LRP6: variants seen among roughly 807,000 people sequenced by gnomAD.
The protein encoded by LRP6 is LDL receptor related protein 6.
A neutral mutation model predicts 184.1 loss-of-function variants in LRP6; 43 were observed. The observed-to-expected ratio is 0.23, with a 90% CI of 0.18 to 0.30. LRP6 has a LOEUF of 0.30. Ranked by LOEUF, LRP6 falls within the 10% of genes least tolerant of loss-of-function variation. The pLI, the probability that LRP6 is intolerant of heterozygous loss-of-function variation, is 1.00. For synonymous variants in LRP6, 719 were observed against 684.9 expected (o/e 1.05, Z -0.78); for missense variants, 1,571 against 2,005.3 (o/e 0.78, Z 4.14).
chr12:12,179,387 G>GAT (rs1863282543), intron 7 of LRP6, among the ~76,000 whole-genome samples: 1 of 142,370 alleles, frequency 7.0e-6, no homozygotes, highest in African/African-American at 2.6e-5. Context: ...TATAGATATA[G>GAT]ATATAGATAT....
chr12:12,192,347 C>A (rs1301213331), intron 3 of LRP6, among the ~76,000 whole-genome samples: 1 of 146,338 alleles, frequency 6.8e-6, no homozygotes, highest in Non-Finnish European at 1.5e-5. Flanking sequence ...CTACTTAATA[C>A]AAAGGACAAA....
rs745330789 is a variant in LRP6 at position 12,179,913 on chromosome 12, C to T, written c.1442G>A (p.Arg481His). Residue 481 changes from arginine (R) to histidine (H), a missense_variant, in exon 7 of 23, where the codon CGT becomes CAT. By Grantham distance (29) the Arg-to-His change is conservative. Coordinates refer to ENST00000261349, the MANE Select transcript of LRP6 (RefSeq NM_002336.3). Reference sequence around the variant, plus strand: ...AAGAGAAGTGTTAACCAATACTACACGGTCAGAACCATCCAGAGCTGCTCG... The same window carrying T: ...AAGAGAAGTGTTAACCAATACTACATGGTCAGAACCATCCAGAGCTGCTCG... ...IERAALDGSD[R>H]VVLVNTSLGW... 20 of 1,613,786 alleles carry T rather than the reference C, an allele frequency of 1.2e-5. No individual in the cohort carries two copies. The Admixed American group carries it at 1.8e-4, about 15-fold the overall frequency.
At chr12:12,225,535 C>T (rs1025947084) in intron 2 of LRP6, among the ~76,000 whole-genome samples, 1 of 152,018 alleles carries the variant, frequency 6.6e-6, no homozygotes, top group Non-Finnish European at 1.5e-5. Flanking sequence ...ACTCTAGGGA[C>T]ACTTTTTTTG....
chr12:12,129,543 A>G (rs1949717897), intron 19 of LRP6, among the ~76,000 whole-genome samples: 1 of 151,936 alleles, frequency 6.6e-6, no homozygotes, highest in East Asian at 1.9e-4. Flanking sequence ...TCATTGATCA[A>G]CACCCAGTCT....
In LRP6 at chr12:12,121,107, AGAG is replaced by A. The variant is rs762938996; in HGVS notation, c.*16_*18del. 2.5e-6 allele frequency: 4 copies of A among 1,570,218 alleles called. No individual in the cohort carries two copies. The highest frequency in any genetic ancestry group is 3.7e-5 in the Admixed American group (2 of 54,242). ...TTACATTTTTACGTTGGAGGCAGTC[AGAG>A]GAGGAGGGCCCCTCCTCAGGAGGAG... On this transcript the variant is annotated 3_prime_UTR_variant, in exon 23 of 23. Coordinates refer to ENST00000261349, the MANE Select transcript of LRP6 (RefSeq NM_002336.3).
At chr12:12,199,695 G>A (rs1458873326) in intron 3 of LRP6, among the ~76,000 whole-genome samples, 1 of 151,870 alleles carries the variant, frequency 6.6e-6, no homozygotes, top group Non-Finnish European at 1.5e-5. Flanking sequence ...GCCAGGCACG[G>A]TGGCTCATGC....
At chr12:12,130,664 G>T in intron 19 of LRP6, 119 bp downstream of exon 19, 1 of 683,318 alleles carries the variant, frequency 1.5e-6, no homozygotes. Context: ...CAAATAATTA[G>T]CTTAATATTA....
chr12:12,167,288 T>C lies in LRP6; in HGVS notation c.1546-1993A>G, dbSNP rs542162752. On this transcript the variant is annotated intron_variant, in intron 7 of 22. Transcript: ENST00000261349. ...AAACAGTATTGTGGCAGAAAGAGAT[T>C]TGTATTTCAAATATAAGCTTTATCA... Among the ~76,000 whole-genome samples, 38 of 152,240 alleles carry C rather than the reference T, an allele frequency of 2.5e-4. No individual in the cohort carries two copies. In the East Asian group the frequency reaches 5.8e-3, roughly 23 times the overall value.
At chr12:12,242,287 T>A (rs1440771413) in intron 2 of LRP6, among the ~76,000 whole-genome samples, 1 of 152,194 alleles carries the variant, frequency 6.6e-6, no homozygotes, top group Non-Finnish European at 1.5e-5. Context: ...AAGTTTTCTG[T>A]CCTTAAACAG....
intron 7 of LRP6, among the ~76,000 whole-genome samples, chr12:12,177,694 A>G (rs900980477): frequency 6.6e-6 from 1 of 152,218 alleles, no homozygotes; most frequent in Non-Finnish European, 1.5e-5. Flanking sequence ...GAATTAGGAC[A>G]TCAGAATCTC....
At chr12:12,256,214 G>A (rs1279829875) in intron 1 of LRP6, among the ~76,000 whole-genome samples, 2 of 152,134 alleles carry the variant, frequency 1.3e-5, no homozygotes, top group Non-Finnish European at 2.9e-5. Flanking sequence ...TCAGAAACAC[G>A]AGATACTGGT....
intron 2 of LRP6, among the ~76,000 whole-genome samples, chr12:12,240,892 G>C (rs1215861885): frequency 6.6e-6 from 1 of 152,124 alleles, no homozygotes; most frequent in Non-Finnish European, 1.5e-5. Context: ...ACTGTTTACT[G>C]TAACTCTGGT....
At chr12:12,235,154 T>A (rs553527306) in intron 2 of LRP6, among the ~76,000 whole-genome samples, 1 of 152,328 alleles carries the variant, frequency 6.6e-6, no homozygotes, top group South Asian at 2.1e-4. Context: ...TATAGGCTAA[T>A]GATTTTAAAA....
intron 3 of LRP6, among the ~76,000 whole-genome samples, chr12:12,195,135 G>A (rs1565630384): frequency 6.6e-6 from 1 of 151,938 alleles, no homozygotes; most frequent in Non-Finnish European, 1.5e-5. Flanking sequence ...CCACATCTTG[G>A]CTACTGTAAA....
intron 2 of LRP6, among the ~76,000 whole-genome samples, chr12:12,235,953 C>T (rs758189279): frequency 6.6e-6 from 1 of 151,936 alleles, no homozygotes; most frequent in Non-Finnish European, 1.5e-5. Flanking sequence ...CGGCTGGACG[C>T]GGTGGCTCAC....
chr12:12,258,625 C>T (rs1325218035), intron 1 of LRP6, among the ~76,000 whole-genome samples: 1 of 152,180 alleles, frequency 6.6e-6, no homozygotes, highest in Admixed American at 6.5e-5. Context: ...CATCAAAGAG[C>T]TATTTCTGCA....
At chr12:12,175,456 G>C (rs1863150984) in intron 7 of LRP6, among the ~76,000 whole-genome samples, 1 of 151,460 alleles carries the variant, frequency 6.6e-6, no homozygotes, top group Non-Finnish European at 1.5e-5. Context: ...TTGGGAAGCT[G>C]AGGCACGCAG....
intron 2 of LRP6, among the ~76,000 whole-genome samples, chr12:12,221,596 T>C (rs780822171): frequency 2.6e-5 from 4 of 152,208 alleles, no homozygotes; most frequent in Non-Finnish European, 4.4e-5. Context: ...TCTGATTCAA[T>C]TGGTCTGGGC....
Position 12,149,094 on chromosome 12 carries a change from G to T in LRP6, c.3054C>A (p.Asp1018Glu). Reference protein sequence around the residue: ...PSQNLEIQPYDLSIDIYSRYI... With the variant: ...PSQNLEIQPYELSIDIYSRYI... ...AGCGGCTGTAAATATCAATGCTGAG[G>T]TCATAGGGTTGTATTTCCAGGTTCT... is the stretch of plus-strand genomic sequence containing the variant. The change falls in exon 14 of 23, where the codon GAC (aspartate) becomes GAA (glutamate). Residue 1018 changes from aspartate to glutamate, a missense_variant. Coordinates refer to ENST00000261349, the MANE Select transcript of LRP6 (RefSeq NM_002336.3). The T allele has an allele frequency of 6.2e-7, 1 of 1,614,006 alleles. No individual in the cohort carries two copies. The highest frequency in any genetic ancestry group is 8.5e-7 in the Non-Finnish European group (1 of 1,179,990).
Sources: allele counts gnomAD v4.1 joint callset (sites outside exome capture counted in the v4.1 genomes callset), GRCh38; gene constraint gnomAD v4.1.1; transcripts MANE v1.5; gene names NCBI Gene and HGNC (gene_info 2026-07-23, HGNC 2026-07-21).